PDE10A: variants seen among roughly 807,000 people sequenced by gnomAD.
PDE10A encodes phosphodiesterase 10A.
Under a neutral mutation model 97.7 loss-of-function variants are expected in PDE10A, and 39 were observed. The ratio of observed to expected loss-of-function variants is 0.40; its 90% CI spans 0.31 to 0.52. The LOEUF (loss-of-function observed/expected upper bound fraction) is 0.52, where lower values mean the gene tolerates loss of function less well. PDE10A is among the 20% of genes least tolerant of loss of function. PDE10A has a pLI of 0.56. For synonymous variants in PDE10A, 371 were observed against 376.8 expected (o/e 0.98, Z 0.18); for missense variants, 731 against 1,047.8 (o/e 0.70, Z 4.17).
intron 1 of PDE10A, among the ~76,000 whole-genome samples, chr6:165,657,068 T>G (rs1170929372): frequency 2.0e-5 from 3 of 152,240 alleles, no homozygotes; most frequent in Non-Finnish European, 2.9e-5. Flanking sequence ...AACACAAGTA[T>G]TTGAGTACCT....
chr6:165,974,191 C>T (rs1421095418), intron 1 of PDE10A, among the ~76,000 whole-genome samples: 1 of 152,170 alleles, frequency 6.6e-6, no homozygotes, highest in East Asian at 1.9e-4. Flanking sequence ...ACATTTTTGA[C>T]AAGTGGCAAC....
At chr6:165,350,890 C>T (rs958228758) in intron 18 of PDE10A, among the ~76,000 whole-genome samples, 3 of 152,156 alleles carry the variant, frequency 2.0e-5, no homozygotes, top group Non-Finnish European at 2.9e-5. Context: ...TGTAAGTTTT[C>T]TGAGGCCTCC....
chr6:165,664,747 A>G (rs981268807), upstream of PDE10A, among the ~76,000 whole-genome samples: 1 of 152,196 alleles, frequency 6.6e-6, no homozygotes, highest in Non-Finnish European at 1.5e-5. Context: ...ACCAGGCAGC[A>G]AGGGTCTGAG....
At chr6:165,400,301 A>G (rs2128220295) in intron 13 of PDE10A, among the ~76,000 whole-genome samples, 1 of 152,236 alleles carries the variant, frequency 6.6e-6, no homozygotes, top group East Asian at 1.9e-4. Flanking sequence ...TCTTCAATAC[A>G]ATGTTAAACA....
chr6:165,605,644 A>G (rs1005322324), intron 1 of PDE10A, among the ~76,000 whole-genome samples: 11 of 152,088 alleles, frequency 7.2e-5, no homozygotes, highest in African/African-American at 2.4e-4. Flanking sequence ...CTTCCACTGA[A>G]GCAACACGGA....
intron 3 of PDE10A, among the ~76,000 whole-genome samples, chr6:165,465,439 C>T (rs1178668376): frequency 1.3e-5 from 2 of 152,190 alleles, no homozygotes; most frequent in African/African-American, 2.4e-5. Context: ...ACTTGTTCTA[C>T]AGTGTAACTG....
intron 1 of PDE10A, among the ~76,000 whole-genome samples, chr6:165,826,248 G>A (rs963893607): frequency 3.9e-5 from 6 of 152,166 alleles, no homozygotes; most frequent in Admixed American, 6.5e-5. Context: ...GAGGGCAGTG[G>A]CAGGATGGCC....
intron 2 of PDE10A, among the ~76,000 whole-genome samples, chr6:165,524,472 G>T (rs1441190525): frequency 2.0e-5 from 3 of 152,148 alleles, no homozygotes; most frequent in African/African-American, 4.8e-5. Context: ...TTCACCGCTT[G>T]TAAGAGGCAA....
intron 10 of PDE10A, among the ~76,000 whole-genome samples, chr6:165,419,777 A>G (rs2128231173): frequency 6.6e-6 from 1 of 152,310 alleles, no homozygotes; most frequent in Admixed American, 6.5e-5. Context: ...TATTCCTCGG[A>G]GAAAAAGAAT....
intron 3 of PDE10A, among the ~76,000 whole-genome samples, chr6:165,461,533 T>C (rs1778327284): frequency 1.3e-5 from 2 of 152,218 alleles, no homozygotes; most frequent in African/African-American, 4.8e-5. Flanking sequence ...GATTTCTGAT[T>C]CTTCATACAT....
intron 1 of PDE10A, among the ~76,000 whole-genome samples, chr6:165,549,378 G>A (rs1478681317): frequency 1.3e-5 from 2 of 152,170 alleles, no homozygotes; most frequent in Non-Finnish European, 2.9e-5. Flanking sequence ...AGGCTGGAGT[G>A]CAGTGGCGTG....
At chr6:165,961,272 T>C (rs1583354915) in intron 1 of PDE10A, among the ~76,000 whole-genome samples, 1 of 152,350 alleles carries the variant, frequency 6.6e-6, no homozygotes, top group South Asian at 2.1e-4. Flanking sequence ...ATGATGGCCT[T>C]GCTTCAAGTC....
intron 1 of PDE10A, among the ~76,000 whole-genome samples, chr6:165,735,731 C>T (rs980152748): frequency 6.6e-6 from 1 of 152,120 alleles, no homozygotes; most frequent in African/African-American, 2.4e-5. Flanking sequence ...ACATGGAGGG[C>T]AATCTGCCGT....
intron 10 of PDE10A, among the ~76,000 whole-genome samples, chr6:165,420,635 T>C (rs1583248983): frequency 6.6e-6 from 1 of 152,260 alleles, no homozygotes; most frequent in East Asian, 1.9e-4. Flanking sequence ...GGCATAAATA[T>C]GTTAATATTT....
chr6:165,434,010 C>G (rs1239953653), intron 6 of PDE10A, among the ~76,000 whole-genome samples: 1 of 116,518 alleles, frequency 8.6e-6, no homozygotes, highest in East Asian at 2.3e-4. Flanking sequence ...CAGCGAGACT[C>G]CGTCTCAAAA....
chr6:165,619,081 A>C (rs1460261937), intron 1 of PDE10A, among the ~76,000 whole-genome samples: 1 of 120,198 alleles, frequency 8.3e-6, no homozygotes, highest in East Asian at 2.2e-4. Flanking sequence ...AGTGTAGTCT[A>C]GTGTAGTCTA....
At position 165,450,333 on chromosome 6, in the gene PDE10A, T is replaced by A. The variant is rs1263273748; in HGVS notation, c.1053A>T (p.Val351=). Residue 351 remains valine, a synonymous_variant, in exon 4 of 22, where the codon GTA becomes GTT. Coordinates refer to ENST00000539869, the MANE Select transcript of PDE10A (RefSeq NM_001385079.1). ...GTTCTATATAGCTGTTTAGTTCATA[T>A]ACAACTCCCTGCATATTCGTATCTT... The part of the protein sequence containing the change: ...RYQDTNMQGV[V]YELNSYIEQR... The A allele has an allele frequency of 6.4e-7, 1 of 1,563,374 alleles. No homozygotes were observed. The highest frequency in any genetic ancestry group is 2.2e-5 in the East Asian group (1 of 44,494).
At chr6:165,797,530 C>T (rs906414260) in intron 1 of PDE10A, among the ~76,000 whole-genome samples, 2 of 152,116 alleles carry the variant, frequency 1.3e-5, no homozygotes, top group African/African-American at 2.4e-5. Context: ...TTGAAATAAT[C>T]GTCATTTCAA....
rs372043093 is a variant in PDE10A, at chr6:165,425,916, G to C, written c.1653+2742C>G. On this transcript the variant is annotated intron_variant, in intron 10 of 21. Transcript: ENST00000539869. ...CCAATGTTGTTTCTACACATTTGCA[G>C]TATAAAATCAAAAAATAAAGAAAAC... Among the ~76,000 whole-genome samples the C allele has an allele frequency of 1.5e-4, 22 of 151,500 alleles. No homozygotes were observed. In the East Asian group the frequency reaches 1.9e-3, roughly 13 times the overall value.
Sources: allele counts gnomAD v4.1 joint callset (sites outside exome capture counted in the v4.1 genomes callset), GRCh38; gene constraint gnomAD v4.1.1; transcripts MANE v1.5; gene names NCBI Gene and HGNC (gene_info 2026-07-23, HGNC 2026-07-21).